The following GPC5 variants were observed in gnomAD, a reference collection of about 807,000 sequenced individuals.
The protein encoded by GPC5 is glypican 5.
A neutral mutation model predicts 53.9 loss-of-function variants in GPC5; 47 were observed. That is an observed-to-expected ratio of 0.87 (90% CI 0.69 to 1.11). The LOEUF is 1.11. GPC5 is among the 50% of genes most tolerant of loss of function. The pLI is 0.00. For missense variants in GPC5, 748 were observed against 713.1 expected, an observed-to-expected ratio of 1.05 and a Z score of -0.56; for synonymous variants, 286 against 263.3, an observed-to-expected ratio of 1.09 and a Z score of -0.84.
At chr13:91,719,997 A>C (rs1173706035) in intron 3 of GPC5, among the ~76,000 whole-genome samples, 1 of 152,170 alleles carries the variant, frequency 6.6e-6, no homozygotes, top group Non-Finnish European at 1.5e-5. Context: ...ACACTTCCAC[A>C]CTATGGAAAA....
At chr13:92,114,947 A>G (rs1425697850) in intron 6 of GPC5, among the ~76,000 whole-genome samples, 1 of 152,200 alleles carries the variant, frequency 6.6e-6, no homozygotes, top group Non-Finnish European at 1.5e-5. Context: ...AAGAGGTCAC[A>G]TGGCTGTTTC....
At chr13:92,115,729 A>T (rs1432762744) in intron 6 of GPC5, among the ~76,000 whole-genome samples, 1 of 152,168 alleles carries the variant, frequency 6.6e-6, no homozygotes, top group Non-Finnish European at 1.5e-5. Flanking sequence ...TTACTGTGAC[A>T]TATTGAAATT....
In GPC5 at chr13:91,867,172, G is replaced by A. The variant is rs547466963; in HGVS notation, c.1281-40765G>A. 7.2e-5 allele frequency among the ~76,000 whole-genome samples: 11 copies of A among 152,296 alleles called. No homozygotes were observed. The East Asian group carries it at 1.5e-3, about 21-fold the overall frequency. On this transcript the variant is annotated intron_variant, in intron 5 of 7. Transcript: ENST00000377067. The stretch of plus-strand genomic sequence containing the variant: ...AGAGGTTGTGGCAAGCCGAGGTCAC[G>A]CCATTGTGCTCCAGCCTGGGAAACA...
intron 1 of GPC5, among the ~76,000 whole-genome samples, chr13:91,420,065 C>T (rs1367126753): frequency 2.0e-5 from 3 of 152,112 alleles, no homozygotes; most frequent in Admixed American, 1.3e-4. Context: ...GCAGGGATGG[C>T]CTCAGACTTC....
At chr13:91,736,473 T>C (rs1283792440) in intron 4 of GPC5, among the ~76,000 whole-genome samples, 3 of 151,196 alleles carry the variant, frequency 2.0e-5, no homozygotes, top group African/African-American at 7.4e-5. Context: ...ATGTAGATCT[T>C]TTTTTATTAT....
intron 7 of GPC5, among the ~76,000 whole-genome samples, chr13:92,750,797 T>C (rs961332861): frequency 1.3e-5 from 2 of 152,192 alleles, no homozygotes; most frequent in African/African-American, 4.8e-5. Context: ...GTCATGTAAT[T>C]GTATCTTCCC....
At chr13:91,498,317 T>C (rs1005543677) in intron 2 of GPC5, among the ~76,000 whole-genome samples, 3 of 151,828 alleles carry the variant, frequency 2.0e-5, no homozygotes, top group Non-Finnish European at 2.9e-5. Flanking sequence ...TTGCTTTACT[T>C]TTTGTTCTGT....
At chr13:92,374,575 T>C (rs1179942322) in intron 7 of GPC5, among the ~76,000 whole-genome samples, 1 of 151,564 alleles carries the variant, frequency 6.6e-6, no homozygotes, top group East Asian at 1.9e-4. Flanking sequence ...AAATTGGAAA[T>C]CATCATTCTC....
intron 3 of GPC5, among the ~76,000 whole-genome samples, chr13:91,701,160 A>G (rs1246709831): frequency 6.6e-6 from 1 of 152,184 alleles, no homozygotes; most frequent in Non-Finnish European, 1.5e-5. Context: ...AAATAATTAA[A>G]ATCAAGCTAA....
intron 7 of GPC5, among the ~76,000 whole-genome samples, chr13:92,797,426 C>T (rs1458562935): frequency 6.6e-6 from 1 of 151,844 alleles, no homozygotes; most frequent in Non-Finnish European, 1.5e-5. Flanking sequence ...TCATTAGGAT[C>T]CCTTCCAGCT....
chr13:92,821,690 G>A (rs777880120), intron 7 of GPC5, among the ~76,000 whole-genome samples: 2 of 152,066 alleles, frequency 1.3e-5, no homozygotes, highest in Non-Finnish European at 2.9e-5. Context: ...ATGCATATTT[G>A]TCAGAAGACT....
chr13:91,692,806 G>A (rs2035784081), intron 2 of GPC5, among the ~76,000 whole-genome samples: 1 of 152,036 alleles, frequency 6.6e-6, no homozygotes, highest in African/African-American at 2.4e-5. Context: ...ACCATGCCTG[G>A]GTAATTTTTG....
chr13:92,101,294 A>T (rs2041465263), intron 6 of GPC5, among the ~76,000 whole-genome samples: 1 of 152,174 alleles, frequency 6.6e-6, no homozygotes, highest in Non-Finnish European at 1.5e-5. Context: ...TACCAATAAG[A>T]TGCTCAATTT....
At chr13:92,385,469 T>TACATATATAC (rs1874604739) in intron 7 of GPC5, among the ~76,000 whole-genome samples, 1 of 112,586 alleles carries the variant, frequency 8.9e-6, no homozygotes, top group East Asian at 2.7e-4. Context: ...TACACATATA[T>TACATATATAC]ACATATATAC....
At chr13:92,848,747 G>A (rs1357386553) in intron 7 of GPC5, among the ~76,000 whole-genome samples, 1 of 152,116 alleles carries the variant, frequency 6.6e-6, no homozygotes, top group Non-Finnish European at 1.5e-5. Context: ...GAAAGTGTAT[G>A]AGGACAAGGA....
chr13:92,341,783 T>C (rs1454425003), intron 7 of GPC5, among the ~76,000 whole-genome samples: 2 of 152,008 alleles, frequency 1.3e-5, no homozygotes, highest in Admixed American at 6.6e-5. Context: ...TTTATTGTTA[T>C]TTACATAATA....
intron 7 of GPC5, among the ~76,000 whole-genome samples, chr13:92,610,697 G>T (rs1451109362): frequency 6.6e-6 from 1 of 152,162 alleles, no homozygotes; most frequent in Non-Finnish European, 1.5e-5. Context: ...GGCTGGGGAA[G>T]CCTCAAGAAA....
At chr13:92,691,902 G>T (rs1410530950) in intron 7 of GPC5, among the ~76,000 whole-genome samples, 2 of 151,692 alleles carry the variant, frequency 1.3e-5, no homozygotes, top group African/African-American at 2.4e-5. Context: ...AGATTTAGTG[G>T]GTACATATAC....
intron 5 of GPC5, among the ~76,000 whole-genome samples, chr13:91,857,869 TTCAGA>T (rs1224098418): frequency 6.6e-6 from 1 of 151,604 alleles, no homozygotes; most frequent in African/African-American, 2.4e-5. Context: ...TCTACATCTA[TTCAGA>T]TCACTATATG....
Sources: gnomAD v4.1 joint callset for allele counts (sites outside exome capture counted in the v4.1 genomes callset) on GRCh38, gnomAD v4.1.1 for gene constraint, MANE v1.5 for transcripts, NCBI Gene and HGNC (gene_info 2026-07-23, HGNC 2026-07-21) for gene names.